Variants in DOP1A observed in about 807,000 individuals in gnomAD.
DOP1A encodes protein DOP1A.
In DOP1A, 90 loss-of-function variants were observed where a neutral mutation model predicts 267.6. The observed-to-expected ratio is 0.34, with a 90% CI of 0.28 to 0.40. The LOEUF (loss-of-function observed/expected upper bound fraction) is 0.40, where lower values mean the gene tolerates loss of function less well. Among genes scored for constraint, DOP1A ranks in the 10% least tolerant of loss-of-function variants. The probability of loss-of-function intolerance (pLI) is 1.00; values close to 1 mark genes in which losing one functional copy is unlikely to be tolerated. For synonymous variants in DOP1A, 932 were observed against 999.1 expected (o/e 0.93, Z 1.27); for missense variants, 2,437 against 2,900.4 (o/e 0.84, Z 3.67).
chr6:83,097,843 CTATTTTATTTTATTTTATTTTAT>C (rs1239872666), intron 3 of DOP1A, among the ~76,000 whole-genome samples: 7 of 150,288 alleles, frequency 4.7e-5, no homozygotes, highest in South Asian at 2.1e-4. Flanking sequence ...ATAACTTATT[CTATTTTATTTTATTTTATTTTAT>C]TATTTTATTT....
chr6:83,079,839 T>A (rs4470824), intron 1 of DOP1A, among the ~76,000 whole-genome samples: 1 of 151,970 alleles, frequency 6.6e-6, no homozygotes, highest in Non-Finnish European at 1.5e-5. Context: ...GATGAAAATT[T>A]ATGTTTCAAA....
intron 3 of DOP1A, among the ~76,000 whole-genome samples, chr6:83,099,208 C>G (rs1439947619): frequency 6.6e-6 from 1 of 152,086 alleles, no homozygotes; most frequent in Admixed American, 6.6e-5. Flanking sequence ...AATACCACAC[C>G]AGGACACTAG....
intron 4 of DOP1A, among the ~76,000 whole-genome samples, chr6:83,102,286 C>T (rs1772727487): frequency 6.6e-6 from 1 of 152,186 alleles, no homozygotes; most frequent in Admixed American, 6.5e-5. Flanking sequence ...ATTTTCCCAC[C>T]TCCGGTGTAC....
chr6:83,113,537 C>G (rs1039600290), intron 7 of DOP1A, 116 bp downstream of exon 7: 12 of 738,468 alleles, frequency 1.6e-5, no homozygotes, highest in Middle Eastern at 2.8e-4. Context: ...AATCAGTAAG[C>G]GCATGGAAAA....
chr6:83,169,796 T>A (rs1426439689), downstream of DOP1A: 1 of 457,540 alleles, frequency 2.2e-6, no homozygotes, highest in South Asian at 1.5e-5. Context: ...TTAAGGAGTA[T>A]GTGAAGAGGC....
intron 1 of DOP1A, among the ~76,000 whole-genome samples, chr6:83,078,404 T>C (rs1767494711): frequency 6.6e-6 from 1 of 152,224 alleles, no homozygotes; most frequent in Non-Finnish European, 1.5e-5. Flanking sequence ...TTTTCCTGTG[T>C]AAAATTAATT....
At chr6:83,167,293 CAGA>C (rs1025016313) in intron 38 of DOP1A, 26 of 985,174 alleles carry the variant, frequency 2.6e-5, no homozygotes, top group South Asian at 4.7e-5. Context: ...TAGCACAACC[CAGA>C]AGGAGACAGC....
chr6:83,103,386 A>G (rs959698957), intron 4 of DOP1A, among the ~76,000 whole-genome samples: 10 of 152,206 alleles, frequency 6.6e-5, no homozygotes, highest in Non-Finnish European at 1.3e-4. Context: ...GGTACAGTGT[A>G]CACTGCTTGG....
chr6:83,090,315 A>C (rs1223538143), intron 1 of DOP1A, among the ~76,000 whole-genome samples: 1 of 152,214 alleles, frequency 6.6e-6, no homozygotes, highest in Admixed American at 6.5e-5. Flanking sequence ...CTGCTAAGTA[A>C]GTATTAGAGC....
At position 83,119,085 on chromosome 6, in the gene DOP1A, A is replaced by C. The variant is rs563495521; in HGVS notation, c.880+98A>C. The stretch of plus-strand genomic sequence containing the variant: ...AGTTGTATGTATGTCCTGAATTTAA[A>C]AACTAAAATCTCTTGTGTAAATGGA... On this transcript the variant is annotated intron_variant, in intron 8 of 38. Transcript: ENST00000349129. 162 of 1,001,394 alleles carry C rather than the reference A, an allele frequency of 1.6e-4. 1 individual carries two copies. The Admixed American group carries it at 3.2e-3, about 20-fold the overall frequency. 62.0% of individuals were successfully genotyped at this position (1,001,394 alleles called of 1,614,324 possible).
At chr6:83,154,097 A>G in intron 32 of DOP1A, 54 bp downstream of exon 32, 1 of 1,612,754 alleles carries the variant, frequency 6.2e-7, no homozygotes, top group Non-Finnish European at 8.5e-7. Context: ...GTCTGATGAA[A>G]TCAGCTACTC....
At chr6:83,165,904 T>C in intron 38 of DOP1A, 1 of 407,812 alleles carries the variant, frequency 2.5e-6, no homozygotes, top group Non-Finnish European at 4.9e-6. Flanking sequence ...TGGTTTCACC[T>C]GGATTCAGAA....
chr6:83,110,466 T>C, intron 6 of DOP1A, 152 bp downstream of exon 6: 1 of 777,796 alleles, frequency 1.3e-6, no homozygotes, highest in Non-Finnish European at 1.9e-6. Flanking sequence ...AAATAATAAT[T>C]ATTATTTTTA....
chr6:83,114,530 C>T (rs894047738), intron 7 of DOP1A, among the ~76,000 whole-genome samples: 2 of 152,150 alleles, frequency 1.3e-5, no homozygotes, highest in Non-Finnish European at 2.9e-5. Flanking sequence ...AAATTATGTA[C>T]TGTCTGGATC....
intron 1 of DOP1A, among the ~76,000 whole-genome samples, chr6:83,091,848 T>C (rs1430496793): frequency 6.6e-6 from 1 of 152,236 alleles, no homozygotes; most frequent in Non-Finnish European, 1.5e-5. Flanking sequence ...TGTGTTTTAC[T>C]CTGTCTACCA....
rs1440921223 is a variant in DOP1A, at chr6:83,150,465, TAAAAC to T, written c.5838-1123_5838-1119del. On this transcript the variant is annotated intron_variant, in intron 27 of 38. Transcript: ENST00000349129. Reference sequence around the variant, plus strand: ...TTCAACATGTGCATATTCTGAATGTTAAAACAAAAAGTTGAAAGTTGAACATTTTC... The same window carrying T: ...TTCAACATGTGCATATTCTGAATGTTAAAAAGTTGAAAGTTGAACATTTTC... Among the ~76,000 whole-genome samples the T allele has an allele frequency of 7.2e-5, 11 of 152,326 alleles. No homozygotes were observed. In the South Asian group the frequency reaches 1.4e-3, roughly 20 times the overall value.
chr6:83,156,041 T>C lies in DOP1A; in HGVS notation c.6542T>C (p.Leu2181Ser). Residue 2181 changes from leucine (L) to serine (S), a missense_variant, in exon 34 of 39, where the codon TTA becomes TCA. Transcript: ENST00000349129. ...CAGAGAGCTATGCTTCTTAAAAGATTAGCATTTGCTATTTTTAGCAGTGAA... is the reference window on the plus strand; with the variant it reads ...CAGAGAGCTATGCTTCTTAAAAGATCAGCATTTGCTATTTTTAGCAGTGAA... ...LEQRAMLLKRLAFAIFSSEID... is the reference protein window; with the variant it reads ...LEQRAMLLKRSAFAIFSSEID... The C allele has an allele frequency of 6.2e-7, 1 of 1,613,992 alleles. No homozygotes were observed. Among genetic ancestry groups the C allele is most frequent in the Non-Finnish European group, 8.5e-7 (1 of 1,179,876 alleles).
chr6:83,082,660 C>T (rs1347097601), intron 1 of DOP1A, among the ~76,000 whole-genome samples: 2 of 152,052 alleles, frequency 1.3e-5, no homozygotes, highest in Non-Finnish European at 2.9e-5. Context: ...GTTCTTACCA[C>T]AAAAATGACA....
intron 7 of DOP1A, among the ~76,000 whole-genome samples, chr6:83,116,147 G>A (rs56688132): frequency 0.012 from 1,851 of 152,258 alleles, 26 homozygotes; most frequent in African/African-American, 0.037. Context: ...AGCATTTTCC[G>A]TTAAAATTAC....
Sources: allele counts gnomAD v4.1 joint callset (sites outside exome capture counted in the v4.1 genomes callset), GRCh38; gene constraint gnomAD v4.1.1; transcripts MANE v1.5; gene names NCBI Gene and HGNC (gene_info 2026-07-23, HGNC 2026-07-21).